Variants in PRKAG2 observed in about 807,000 individuals in gnomAD.
PRKAG2 encodes protein kinase AMP-activated non-catalytic subunit gamma 2, also known as 5'-AMP-activated protein kinase subunit gamma-2.
In PRKAG2, 26 loss-of-function variants were observed where a neutral mutation model predicts 69.6. The observed-to-expected ratio is 0.37, with a 90% CI of 0.27 to 0.52. The LOEUF (loss-of-function observed/expected upper bound fraction) is 0.52. PRKAG2 is among the 20% of genes least tolerant of loss of function. PRKAG2 has a pLI of 0.90. For missense variants in PRKAG2, 557 were observed against 740.0 expected (o/e 0.75, Z 2.87); for synonymous variants, 293 against 285.0 (o/e 1.03, Z -0.28).
At chr7:151,588,651 C>G (rs1490739470) in intron 6 of PRKAG2, among the ~76,000 whole-genome samples, 3 of 152,070 alleles carry the variant, frequency 2.0e-5, no homozygotes, top group South Asian at 2.1e-4. Flanking sequence ...TGAGACACCG[C>G]ACCCAGCGAT....
chr7:151,814,552 C>G lies in PRKAG2; in HGVS notation c.115-28011G>C. 8.1e-7 allele frequency: 1 copy of G among 1,231,630 alleles called. No individual in the cohort carries two copies. The highest frequency in any genetic ancestry group is 3.2e-5 in the East Asian group (1 of 31,712). The allele number at this position is 1,231,630 out of a possible 1,614,324, so 76.3% of individuals were successfully genotyped here. ...CTCTGACAAATCCTGCTGCCTCACT[C>G]GAAAGGTCCATCAGAGAAGGGGTTT... On this transcript the variant is annotated intron_variant, in intron 1 of 15. Transcript: ENST00000287878. The surrounding 1 kb of genome is among the most constrained non-coding windows in gnomAD (Gnocchi z 4.8).
At position 151,729,101 on chromosome 7, in the gene PRKAG2, G is replaced by GTCC. The variant is rs1798480997; in HGVS notation, c.466+52050_466+52051insGGA. 7.3e-5 allele frequency among the ~76,000 whole-genome samples: 11 copies of GTCC among 151,378 alleles called. No homozygotes were observed. In the South Asian group the frequency reaches 2.4e-3, roughly 33 times the overall value. On this transcript the variant is annotated intron_variant, in intron 3 of 15. Transcript: ENST00000287878. Reference sequence around the variant, plus strand: ...TTCCACCAGGCAGCGCTTGGTGACAGTGACGTAGGGAGAACAGGCAGATGG... The same window carrying GTCC: ...TTCCACCAGGCAGCGCTTGGTGACAGTCCTGACGTAGGGAGAACAGGCAGATGG...
At chr7:151,848,671 C>A (rs2079497485) in intron 1 of PRKAG2, among the ~76,000 whole-genome samples, 1 of 151,606 alleles carries the variant, frequency 6.6e-6, no homozygotes, top group South Asian at 2.1e-4. Context: ...ATTACAGGCC[C>A]CCGCCACCAC....
Position 151,686,937 on chromosome 7 carries a change from TA to T in PRKAG2, c.467-11301del, listed in dbSNP as rs944366787. Among the ~76,000 whole-genome samples the T allele has an allele frequency of 4.0e-3, 596 of 149,644 alleles. 2 individuals are homozygous for T. The highest frequency in any genetic ancestry group is 0.013 in the African/African-American group (545 of 40,842). ...TGGAAGGTGAAAAAATATTTCTATT[TA>T]AAAAAAAAACTTTCAGGAATTTTTC... On this transcript the variant is annotated intron_variant, in intron 3 of 15. Transcript: ENST00000287878.
At chr7:151,853,289 G>T (rs1457785393) in intron 1 of PRKAG2, among the ~76,000 whole-genome samples, 1 of 152,042 alleles carries the variant, frequency 6.6e-6, no homozygotes, top group Non-Finnish European at 1.5e-5. Context: ...GGAGAAAGTC[G>T]GTTTCAGAAA....
rs754570613 is a variant in PRKAG2 at position 151,781,365 on chromosome 7, G to T, written c.253C>A (p.Pro85Thr). ...ACAGGTGCAGACATGGGGCTGGAGG[G>T]CCGGGGCTGGGGGCCTCTGGAGAAG... ...GFFSRGPQPR[P>T]SSPMSAPVRP... The change falls in exon 3 of 16, where the codon CCC becomes ACC. Residue 85 changes from proline (P) to threonine (T), a missense_variant. Physicochemically the swap from Pro to Thr is conservative, Grantham distance 38. Coordinates refer to ENST00000287878, the MANE Select transcript of PRKAG2 (RefSeq NM_016203.4). This position sits in a 1 kb window ranked among gnomAD's most constrained non-coding sequence, Gnocchi z 6.1. The T allele has an allele frequency of 1.2e-6, 2 of 1,613,338 alleles. No homozygotes were observed. The highest frequency in any genetic ancestry group is 2.2e-5 in the East Asian group (1 of 44,876).
At chr7:151,720,665 G>A (rs1382831973) in intron 3 of PRKAG2, among the ~76,000 whole-genome samples, 1 of 113,690 alleles carries the variant, frequency 8.8e-6, no homozygotes, top group Non-Finnish European at 1.8e-5. Flanking sequence ...GAGAATGGAG[G>A]GGATGGAGGG....
intron 3 of PRKAG2, among the ~76,000 whole-genome samples, chr7:151,698,350 CT>C (rs1837054038): frequency 6.6e-6 from 1 of 152,220 alleles, no homozygotes; most frequent in Admixed American, 6.5e-5. Context: ...ACCCCCTCGC[CT>C]GTGCTTCCTG....
rs1407005462 is a variant in PRKAG2, at chr7:151,556,148, A to AT, written c.*1052dup. 2 of 148,182 alleles carry AT rather than the reference A, an allele frequency of 1.3e-5. No individual in the cohort carries two copies. The highest frequency in any genetic ancestry group is 3.0e-5 in the Non-Finnish European group (2 of 67,226). The allele number at this position is 148,182 out of a possible 1,614,324, so 9.2% of individuals were successfully genotyped here. On this transcript the variant is annotated 3_prime_UTR_variant, in exon 16 of 16. Transcript: ENST00000287878. ...ATGGTAGATAGTAGGATCTATTTTAATTTTTCAATCTGAAAAAAAAAAACC... is the reference window on the plus strand; with the variant it reads ...ATGGTAGATAGTAGGATCTATTTTAATTTTTTCAATCTGAAAAAAAAAAACC...
chr7:151,624,335 G>T (rs918531387), intron 5 of PRKAG2, among the ~76,000 whole-genome samples: 1 of 151,852 alleles, frequency 6.6e-6, no homozygotes, highest in Non-Finnish European at 1.5e-5. Flanking sequence ...TATTTTTATA[G>T]AGAGAGGGTT....
At chr7:151,559,288 T>C in intron 15 of PRKAG2, 1 of 981,508 alleles carries the variant, frequency 1.0e-6, no homozygotes, top group Non-Finnish European at 1.2e-6. Flanking sequence ...TTATCCATTC[T>C]TCTTTTCAAA....
At chr7:151,795,861 A>ACACG (rs1270581676) in intron 1 of PRKAG2, among the ~76,000 whole-genome samples, 1 of 102,286 alleles carries the variant, frequency 9.8e-6, no homozygotes, top group African/African-American at 4.9e-5. Context: ...ATATATATAT[A>ACACG]TATATATATA....
intron 1 of PRKAG2, among the ~76,000 whole-genome samples, chr7:151,858,223 C>T (rs538115147): frequency 5.9e-5 from 9 of 152,282 alleles, no homozygotes; most frequent in East Asian, 1.9e-4. Flanking sequence ...TCTCCTGCAC[C>T]GTGCCTACCC....
chr7:151,584,163 C>A (rs984560337), intron 6 of PRKAG2, among the ~76,000 whole-genome samples: 2 of 152,210 alleles, frequency 1.3e-5, no homozygotes, highest in Non-Finnish European at 2.9e-5. Context: ...CCCCTCCAAG[C>A]CCCAGTACTC....
chr7:151,873,589 G>A (rs1256420445), intron 1 of PRKAG2, among the ~76,000 whole-genome samples: 2 of 152,126 alleles, frequency 1.3e-5, no homozygotes, highest in East Asian at 3.9e-4. Flanking sequence ...CAGAGCCTGG[G>A]CACGTGGTCA....
chr7:151,725,150 C>T (rs560079542), intron 3 of PRKAG2, among the ~76,000 whole-genome samples: 186 of 152,230 alleles, frequency 1.2e-3, no homozygotes, highest in African/African-American at 4.3e-3. Context: ...ACGTGTCCAT[C>T]GACGCATGAA....
intron 3 of PRKAG2, among the ~76,000 whole-genome samples, chr7:151,779,554 G>A (rs992737377): frequency 7.9e-5 from 12 of 152,212 alleles, no homozygotes; most frequent in African/African-American, 2.4e-4. Context: ...GCACCCTTCC[G>A]ATCATCAGGT....
intron 6 of PRKAG2, among the ~76,000 whole-genome samples, chr7:151,589,049 T>G (rs1812397345): frequency 6.6e-6 from 1 of 152,104 alleles, no homozygotes; most frequent in Non-Finnish European, 1.5e-5. Flanking sequence ...GCCAACTGGC[T>G]CTATTTCAGG....
chr7:151,876,243 C>T (rs1389426708), intron 1 of PRKAG2, among the ~76,000 whole-genome samples: 1 of 151,836 alleles, frequency 6.6e-6, no homozygotes, highest in African/African-American at 2.4e-5. Flanking sequence ...CCCGCCGCGC[C>T]CGGCGCCCCC....
Sources: gnomAD v4.1 joint callset for allele counts (sites outside exome capture counted in the v4.1 genomes callset) on GRCh38, gnomAD v4.1.1 for gene constraint, Gnocchi (gnomAD v3.1) non-coding constraint, MANE v1.5 for transcripts, NCBI Gene and HGNC (gene_info 2026-07-23, HGNC 2026-07-21) for gene names.